The following ADGRL2 variants were observed in gnomAD, a reference collection of about 807,000 sequenced individuals.
ADGRL2 encodes adhesion G protein-coupled receptor L2.
ADGRL2 carries 44 observed loss-of-function variants against 157.4 expected under a neutral mutation model. That is an observed-to-expected ratio of 0.28 (90% CI 0.22 to 0.36). ADGRL2 has a LOEUF of 0.36. ADGRL2 is among the 10% of genes least tolerant of loss of function. The probability of loss-of-function intolerance (pLI) is 1.00; values close to 1 mark genes in which losing one functional copy is unlikely to be tolerated. For missense variants in ADGRL2, 1,510 were observed against 1,768.9 expected (o/e 0.85, Z 2.63); for synonymous variants, 585 against 624.7 (o/e 0.94, Z 0.95).
At chr1:81,428,702 G>A (rs2077265183) in intron 1 of ADGRL2, among the ~76,000 whole-genome samples, 2 of 152,140 alleles carry the variant, frequency 1.3e-5, no homozygotes, top group Non-Finnish European at 2.9e-5. Flanking sequence ...CTGGGAGAGT[G>A]GTGTCAACTC....
intron 2 of ADGRL2, among the ~76,000 whole-genome samples, chr1:81,461,615 C>A (rs2077930197): frequency 1.3e-5 from 2 of 152,154 alleles, no homozygotes; most frequent in Non-Finnish European, 2.9e-5. Flanking sequence ...CTTTTCCCCC[C>A]TTAGGCATGT....
In ADGRL2 at chr1:81,787,609, C is replaced by T. The variant is rs140288596; in HGVS notation, c.-101+25757C>T. ...GGCGGAGGTTGCAGTGAGCTGGGGT[C>T]GCACCACTGCACTTCAGCCTGGGTG... On this transcript the variant is annotated intron_variant, in intron 2 of 20. Transcript: ENST00000359929. Among the ~76,000 whole-genome samples, 1,221 of 151,850 alleles carry T rather than the reference C, an allele frequency of 8.0e-3. 16 individuals carry two copies. The highest frequency in any genetic ancestry group is 0.028 in the African/African-American group (1,150 of 41,386).
At chr1:81,632,550 A>T (rs894715453) in intron 3 of ADGRL2, among the ~76,000 whole-genome samples, 6 of 152,074 alleles carry the variant, frequency 3.9e-5, no homozygotes, top group African/African-American at 1.4e-4. Context: ...TGAGGTCAGG[A>T]GATCGAGACC....
chr1:81,916,878 A>T (rs2094867408), intron 3 of ADGRL2, among the ~76,000 whole-genome samples: 1 of 152,050 alleles, frequency 6.6e-6, no homozygotes, highest in Non-Finnish European at 1.5e-5. Context: ...GTTTACCCCA[A>T]ATCCATATTT....
rs1653349160 is a variant in ADGRL2 at position 81,955,859 on chromosome 1, G to C, written c.1834-18G>C. The C allele has an allele frequency of 4.6e-6, 7 of 1,518,910 alleles. No individual in the cohort carries two copies. Among genetic ancestry groups the C allele is most frequent in the Middle Eastern group, 3.5e-4 (2 of 5,672 alleles). 94.1% of individuals were successfully genotyped at this position (1,518,910 alleles called of 1,614,324 possible). A position where few individuals can be genotyped will look rare whatever the true frequency, so the allele number is the denominator to read the frequency against. ...CTAAAAGCGGTCAAAACTAATGATA[G>C]TTTTCTAATGGATACAGGCAATTGT... On this transcript the variant is annotated intron_variant, in intron 10 of 23. Transcript: ENST00000686636.
At chr1:81,707,531 A>G (rs949934281) in intron 1 of ADGRL2, among the ~76,000 whole-genome samples, 15 of 152,180 alleles carry the variant, frequency 9.9e-5, no homozygotes, top group African/African-American at 3.6e-4. Context: ...CTATCCATGT[A>G]GCAAATTCAG....
Position 81,343,087 on chromosome 1 carries a change from C to CTTTTTTTTTTTT in ADGRL2, c.-302+36582_-302+36583insTTTTTTTTTTTT, listed in dbSNP as rs764039251. Among the ~76,000 whole-genome samples, 5 of 127,492 alleles carry CTTTTTTTTTTTT rather than the reference C, an allele frequency of 3.9e-5. 1 individual carries two copies. Among genetic ancestry groups the CTTTTTTTTTTTT allele is most frequent in the African/African-American group, 8.8e-5 (3 of 34,080 alleles). 83.6% of individuals were successfully genotyped at this position (127,492 alleles called of 152,430 possible). On this transcript the variant is annotated intron_variant, in intron 1 of 24. Coordinates refer to the ADGRL2 transcript ENST00000370721. ...TTTTTCTTTTCTTTTTTTCTTTTTTCTTTTCTTTTTTTTTTTTTTGAGACA... is the reference window on the plus strand; with the variant it reads ...TTTTTCTTTTCTTTTTTTCTTTTTTCTTTTTTTTTTTTTTTTCTTTTTTTTTTTTTTGAGACA...
chr1:81,552,465 A>G (rs1031465993), intron 2 of ADGRL2, among the ~76,000 whole-genome samples: 2 of 152,216 alleles, frequency 1.3e-5, no homozygotes, highest in Admixed American at 1.3e-4. Flanking sequence ...CAGCCACTCA[A>G]TCAATTTCCT....
chr1:81,731,652 T>G (rs2084727277), intron 1 of ADGRL2, among the ~76,000 whole-genome samples: 1 of 152,216 alleles, frequency 6.6e-6, no homozygotes, highest in Non-Finnish European at 1.5e-5. Flanking sequence ...GTCTTGATAA[T>G]GCTTTGCTTC....
chr1:81,538,169 T>C (rs1043709276), intron 2 of ADGRL2, among the ~76,000 whole-genome samples: 26 of 152,238 alleles, frequency 1.7e-4, no homozygotes, highest in Non-Finnish European at 3.2e-4. Context: ...TATTTTGCTC[T>C]TCCCAACTAT....
chr1:81,797,275 C>T (rs186434442), upstream of ADGRL2, among the ~76,000 whole-genome samples: 363 of 152,160 alleles, frequency 2.4e-3, 1 homozygote, highest in African/African-American at 8.6e-3. Context: ...TCTTTTGAAA[C>T]AATTTTGAAA....
chr1:81,651,491 G>T (rs186080190), intron 3 of ADGRL2, among the ~76,000 whole-genome samples: 3 of 151,998 alleles, frequency 2.0e-5, no homozygotes, highest in Non-Finnish European at 4.4e-5. Context: ...TTCTGCAAAC[G>T]TACACAAAAC....
chr1:81,966,213 GT>G (rs771845605), intron 12 of ADGRL2, 30 bp downstream of exon 12: 20 of 1,613,104 alleles, frequency 1.2e-5, no homozygotes, highest in Admixed American at 5.0e-5. Flanking sequence ...AAAATTGACA[GT>G]TTTTGTTGTT....
chr1:81,426,819 T>C (rs2077226135), intron 1 of ADGRL2: 2 of 520,884 alleles, frequency 3.8e-6, no homozygotes, highest in Non-Finnish European at 3.7e-6. Context: ...CTGATGCCCA[T>C]CTACCAGTGA....
rs555562256 is a variant in ADGRL2, at chr1:81,946,587, A to T, written c.1210+2818A>T. Among the ~76,000 whole-genome samples, 24 of 152,218 alleles carry T rather than the reference A, an allele frequency of 1.6e-4. No homozygotes were observed. In the South Asian group the frequency reaches 1.9e-3, roughly 12 times the overall value. ...ATTATAAAGAAAATGATGTGTTTTTACTTGGCTTTTGGCAGTTCCTCAACA... is the reference window on the plus strand; with the variant it reads ...ATTATAAAGAAAATGATGTGTTTTTTCTTGGCTTTTGGCAGTTCCTCAACA... On this transcript the variant is annotated intron_variant, in intron 6 of 23. Coordinates refer to ENST00000686636, the MANE Select transcript of ADGRL2 (RefSeq NM_001366006.2).
At chr1:81,940,864 C>T (rs761993136) in intron 4 of ADGRL2, among the ~76,000 whole-genome samples, 3 of 150,976 alleles carry the variant, frequency 2.0e-5, no homozygotes, top group African/African-American at 7.3e-5. Flanking sequence ...TATTAGAATA[C>T]GGTTTACCAA....
intron 3 of ADGRL2, among the ~76,000 whole-genome samples, chr1:81,645,386 G>C (rs1487154621): frequency 9.0e-6 from 1 of 111,176 alleles, no homozygotes; most frequent in Non-Finnish European, 1.7e-5. Flanking sequence ...GACAGAGTGA[G>C]ATCCTGTCTC....
chr1:81,436,926 A>G (rs1481414710), intron 1 of ADGRL2, among the ~76,000 whole-genome samples: 1 of 152,194 alleles, frequency 6.6e-6, no homozygotes, highest in Non-Finnish European at 1.5e-5. Flanking sequence ...TCTTCTTTCC[A>G]CACCTTACCC....
chr1:81,740,712 T>C (rs2085046096), intron 1 of ADGRL2, among the ~76,000 whole-genome samples: 1 of 152,180 alleles, frequency 6.6e-6, no homozygotes, highest in Non-Finnish European at 1.5e-5. Flanking sequence ...ATATGCAAGT[T>C]AAACCATTTG....
Sources: gnomAD v4.1 joint callset for allele counts (sites outside exome capture counted in the v4.1 genomes callset) on GRCh38, gnomAD v4.1.1 for gene constraint, MANE v1.5 for transcripts, NCBI Gene and HGNC (gene_info 2026-07-23, HGNC 2026-07-21) for gene names.